NFS1: variants seen among roughly 807,000 people sequenced by gnomAD.
NFS1 encodes the protein cysteine desulfurase.
A neutral mutation model predicts 57.3 loss-of-function variants in NFS1; 26 were observed. That is an observed-to-expected ratio of 0.45 (90% CI 0.33 to 0.63). The LOEUF (loss-of-function observed/expected upper bound fraction) is 0.63, where lower values mean the gene tolerates loss of function less well. Ranked by LOEUF, NFS1 falls within the 20% of genes least tolerant of loss-of-function variation. The probability of loss-of-function intolerance (pLI) is 0.02; values close to 1 mark genes in which losing one functional copy is unlikely to be tolerated. For missense variants in NFS1, 505 were observed against 605.8 expected, an observed-to-expected ratio of 0.83 and a Z score of 1.75; for synonymous variants, 209 against 216.3, an observed-to-expected ratio of 0.97 and a Z score of 0.30.
At position 35,684,650 on chromosome 20, in the gene NFS1, T is replaced by C. The variant is rs1174732841; in HGVS notation, c.562-2669A>G. Among the ~76,000 whole-genome samples the C allele has an allele frequency of 2.0e-5, 3 of 150,886 alleles. 1 individual carries two copies. The highest frequency in any genetic ancestry group is 7.4e-5 in the African/African-American group (3 of 40,616). ...CTGTAATCCAAGCTACTTAGGAGGC[T>C]GAGGCAGGAGAATCATTTGAACCCA... is the stretch of plus-strand genomic sequence containing the variant. On this transcript the variant is annotated intron_variant, in intron 5 of 12. Transcript: ENST00000374092.
Position 35,669,581 on chromosome 20 carries a change from C to A in NFS1, c.*41G>T, listed in dbSNP as rs750587197. The A allele has an allele frequency of 3.8e-6, 6 of 1,594,350 alleles. 1 individual carries two copies. The Admixed American group carries it at 1.0e-4, about 27-fold the overall frequency. ...TCTGGTTGTGCACGGGTTGGTGAGG[C>A]AGGAGGGGCCAGACCAGCACAAAGT... On this transcript the variant is annotated 3_prime_UTR_variant, in exon 13 of 13. Coordinates refer to ENST00000374092, the MANE Select transcript of NFS1 (RefSeq NM_021100.5).
At chr20:35,676,787 C>CAAAAAAAAAAAAAAAAAAAA (rs1206628678) in intron 7 of NFS1, among the ~76,000 whole-genome samples, 1 of 77,298 alleles carries the variant, frequency 1.3e-5, no homozygotes, top group African/African-American at 6.7e-5. Flanking sequence ...AAAAAAAAAC[C>CAAAAAAAAAAAAAAAAAAAA]AAGAAAGAAA....
chr20:35,690,292 TA>T, intron 5 of NFS1, 120 bp downstream of exon 5: 2 of 968,198 alleles, frequency 2.1e-6, no homozygotes, highest in Non-Finnish European at 3.1e-6. Context: ...CTTATTTCTC[TA>T]AACTTCATCC....
intron 5 of NFS1, among the ~76,000 whole-genome samples, chr20:35,683,746 C>T (rs1013039551): frequency 7.4e-6 from 1 of 135,954 alleles, no homozygotes; most frequent in Non-Finnish European, 1.5e-5. Context: ...TGCACCACTG[C>T]ACTCCATGCA....
rs561128843 is a variant in NFS1 at position 35,681,040 on chromosome 20, TC to T, written c.656-170del. ...CCTCTTTTCCTTCCCTCCTCCCCCT[TC>T]CCCCTTCCTCCCTCTCTGTGTCTCA... is the stretch of plus-strand genomic sequence containing the variant. On this transcript the variant is annotated intron_variant, in intron 6 of 12. Transcript: ENST00000374092. 1.2e-4 allele frequency among the ~76,000 whole-genome samples: 18 copies of T among 150,604 alleles called. No individual in the cohort carries two copies. In the South Asian group the frequency reaches 3.6e-3, roughly 30 times the overall value.
chr20:35,696,622 C>A (rs773155718), intron 3 of NFS1, among the ~76,000 whole-genome samples, 162 bp from the exon 4 acceptor site: 1 of 152,138 alleles, frequency 6.6e-6, no homozygotes, highest in African/African-American at 2.4e-5. Context: ...CTAGTTATAT[C>A]CCAGATCCCA....
chr20:35,695,405 C>A (rs777502876), intron 4 of NFS1, among the ~76,000 whole-genome samples: 1 of 152,212 alleles, frequency 6.6e-6, no homozygotes, highest in Non-Finnish European at 1.5e-5. Context: ...GTACAGCAAG[C>A]CACAATTTCT....
At chr20:35,685,555 A>G (rs1174434701) in intron 5 of NFS1, among the ~76,000 whole-genome samples, 2 of 137,402 alleles carry the variant, frequency 1.5e-5, no homozygotes, top group Admixed American at 7.3e-5. Context: ...TATATAAAAT[A>G]TTTTATATAT....
rs1163502022 is a variant in NFS1, at chr20:35,669,690, C to G, written c.1311-5G>C. On this transcript the variant is annotated splice_region_variant and splice_polypyrimidine_tract_variant and intron_variant, in intron 12 of 12. Coordinates refer to ENST00000374092, the MANE Select transcript of NFS1 (RefSeq NM_021100.5). ...TGAACCATCTCCCAGAGAGGGCTGCCAAAGAGAAGAGGCATTAAATGAGTG... is the reference window on the plus strand; with the variant it reads ...TGAACCATCTCCCAGAGAGGGCTGCGAAAGAGAAGAGGCATTAAATGAGTG... 1 of 1,613,882 alleles carries G rather than the reference C, an allele frequency of 6.2e-7. No individual in the cohort carries two copies. Among genetic ancestry groups the G allele is most frequent in the African/African-American group, 1.3e-5 (1 of 75,022 alleles).
At chr20:35,685,901 C>T (rs2146427410) in intron 5 of NFS1, among the ~76,000 whole-genome samples, 1 of 149,094 alleles carries the variant, frequency 6.7e-6, no homozygotes, top group African/African-American at 2.4e-5. Context: ...GGGTAAAACT[C>T]CATGACCTTG....
chr20:35,699,236 G>A lies in NFS1; in HGVS notation c.53C>T (p.Pro18Leu). The A allele has an allele frequency of 7.0e-7, 1 of 1,432,982 alleles. No homozygotes were observed. The highest frequency in any genetic ancestry group is 9.1e-7 in the Non-Finnish European group (1 of 1,102,606). The allele number at this position is 1,432,982 out of a possible 1,614,324, so 88.8% of individuals were successfully genotyped here. Reference protein sequence around the residue: ...RRAAVAVTAAPGPKPAAPTRG... With the variant: ...RRAAVAVTAALGPKPAAPTRG... ...AGTGGGCGCCGCGGGCTTCGGCCCT[G>A]GAGCCGCTGTCACCGCCACTGCCGC... Residue 18 changes from proline to leucine, a missense_variant, in exon 1 of 13, where the codon CCA becomes CTA. Transcript: ENST00000374092. This position sits in a 1 kb window ranked among gnomAD's most constrained non-coding sequence, Gnocchi z 4.4.
chr20:35,698,777 G>T, intron 1 of NFS1, 187 bp from the exon 2 acceptor site: 3 of 1,400,618 alleles, frequency 2.1e-6, no homozygotes, highest in Non-Finnish European at 2.8e-6. Flanking sequence ...AAGGGAGAGG[G>T]AGAGAGGGTT....
Position 35,698,867 on chromosome 20 carries a change from C to A in NFS1, c.98-277G>T, listed in dbSNP as rs971452181. The A allele has an allele frequency of 4.5e-5, 60 of 1,341,754 alleles. No homozygotes were observed. The African/African-American group carries it at 8.1e-4, about 18-fold the overall frequency. The allele number at this position is 1,341,754 out of a possible 1,614,324, so 83.1% of individuals were successfully genotyped here. ...AAAGGGCAAAGACGTTTAGAAGGAA[C>A]GTGGAGCCAGAGTAGGTGCAGTCCC... On this transcript the variant is annotated intron_variant, in intron 1 of 12. Transcript: ENST00000374092.
At chr20:35,679,462 G>T (rs1258877689) in intron 7 of NFS1, among the ~76,000 whole-genome samples, 1 of 152,156 alleles carries the variant, frequency 6.6e-6, no homozygotes, top group Non-Finnish European at 1.5e-5. Flanking sequence ...GATTACAGGT[G>T]TAAGCCACCG....
At chr20:35,672,221 G>A (rs555217245) in intron 12 of NFS1, among the ~76,000 whole-genome samples, 1 of 151,712 alleles carries the variant, frequency 6.6e-6, no homozygotes, top group Non-Finnish European at 1.5e-5. Flanking sequence ...GCCTCCCAGA[G>A]TGCTGGGATT....
intron 3 of NFS1, among the ~76,000 whole-genome samples, chr20:35,696,829 G>A (rs541558940): frequency 1.2e-3 from 188 of 152,160 alleles, no homozygotes; most frequent in Non-Finnish European, 2.3e-3. Context: ...ATATTAGGCC[G>A]GGCATGGTGG....
chr20:35,696,360 TG>T lies in NFS1; in HGVS notation c.408+16del. 1 of 1,579,846 alleles carries T rather than the reference TG, an allele frequency of 6.3e-7. No homozygotes were observed. The highest frequency in any genetic ancestry group is 8.7e-7 in the Non-Finnish European group (1 of 1,148,616). Reference sequence around the variant, plus strand: ...GTCAGGAAAGCCCACATACACCCTCTGGTTCCCTTCTCTTACCTTAATTGCT... The same window carrying T: ...GTCAGGAAAGCCCACATACACCCTCTGTTCCCTTCTCTTACCTTAATTGCT... On this transcript the variant is annotated intron_variant, in intron 4 of 12. Coordinates refer to ENST00000374092, the MANE Select transcript of NFS1 (RefSeq NM_021100.5).
At chr20:35,687,110 T>G (rs139003540) in intron 5 of NFS1, among the ~76,000 whole-genome samples, 3 of 152,184 alleles carry the variant, frequency 2.0e-5, no homozygotes, top group African/African-American at 7.2e-5. Context: ...GTAGCGTCAG[T>G]GTCAAGGAAA....
At chr20:35,689,809 G>A (rs1480988118) in intron 5 of NFS1, among the ~76,000 whole-genome samples, 3 of 148,578 alleles carry the variant, frequency 2.0e-5, no homozygotes, top group African/African-American at 5.0e-5. Context: ...GTGGTGGCAC[G>A]TGCCTGTAGT....
Sources: allele counts gnomAD v4.1 joint callset (sites outside exome capture counted in the v4.1 genomes callset), GRCh38; gene constraint gnomAD v4.1.1; non-coding constraint Gnocchi (gnomAD v3.1); transcripts MANE v1.5; gene names NCBI Gene and HGNC (gene_info 2026-07-23, HGNC 2026-07-21).